MTUS2: variants seen among roughly 807,000 people sequenced by gnomAD.
The protein encoded by MTUS2 is microtubule associated scaffold protein 2.
In MTUS2, 40 loss-of-function variants were observed where a neutral mutation model predicts 114.1. The ratio of observed to expected loss-of-function variants is 0.35; its 90% CI spans 0.27 to 0.46. The LOEUF is 0.46. Ranked by LOEUF, MTUS2 falls within the 20% of genes least tolerant of loss-of-function variation. The pLI is 1.00. For synonymous variants in MTUS2, 688 were observed against 672.0 expected, an observed-to-expected ratio of 1.02 and a Z score of -0.37; for missense variants, 1,679 against 1,705.4, an observed-to-expected ratio of 0.98 and a Z score of 0.27.
chr13:29,205,832 C>T (rs535923898), intron 5 of MTUS2, among the ~76,000 whole-genome samples: 1 of 152,208 alleles, frequency 6.6e-6, no homozygotes, highest in East Asian at 1.9e-4. Flanking sequence ...GGGATGATTC[C>T]ATATTTTTGC....
intron 5 of MTUS2, among the ~76,000 whole-genome samples, chr13:29,203,832 T>C (rs1170764772): frequency 6.6e-6 from 1 of 152,116 alleles, no homozygotes; most frequent in Non-Finnish European, 1.5e-5. Flanking sequence ...CCCTGCTTCA[T>C]CTCACCCCCC....
chr13:29,264,825 C>T (rs909284630), intron 5 of MTUS2, among the ~76,000 whole-genome samples: 2 of 152,246 alleles, frequency 1.3e-5, no homozygotes, highest in Non-Finnish European at 2.9e-5. Flanking sequence ...ATTCTTCCCG[C>T]CTAGGCCTCT....
intron 1 of MTUS2, among the ~76,000 whole-genome samples, chr13:28,821,840 G>T (rs540064662): frequency 2.0e-5 from 3 of 152,328 alleles, no homozygotes; most frequent in South Asian, 4.1e-4. Context: ...GTATTGGAAA[G>T]GGGACACATC....
Position 29,111,767 on chromosome 13 carries a change from A to G in MTUS2, c.2644+10797A>G, listed in dbSNP as rs189322183. 5.9e-5 allele frequency among the ~76,000 whole-genome samples: 9 copies of G among 151,922 alleles called. No homozygotes were observed. In the East Asian group the frequency reaches 1.7e-3, roughly 29 times the overall value. ...CAGTAGACAGAGCGAAGAGATTGAT[A>G]TATTTTTTTTTTTGCAAGGAGAAAT... On this transcript the variant is annotated intron_variant, in intron 5 of 15. Transcript: ENST00000612955.
intron 2 of MTUS2, among the ~76,000 whole-genome samples, chr13:28,984,696 A>G (rs901532437): frequency 1.3e-5 from 2 of 152,244 alleles, no homozygotes; most frequent in African/African-American, 4.8e-5. Flanking sequence ...CTATAAAACC[A>G]TCTGGGCCAA....
intron 6 of MTUS2, among the ~76,000 whole-genome samples, chr13:29,289,627 T>G (rs1345301761): frequency 6.6e-6 from 1 of 151,740 alleles, no homozygotes; most frequent in East Asian, 1.9e-4. Context: ...TGCACCCGGG[T>G]AATTTTTTTT....
chr13:28,977,333 T>C (rs1249494615), intron 2 of MTUS2, among the ~76,000 whole-genome samples: 2 of 152,216 alleles, frequency 1.3e-5, no homozygotes, highest in East Asian at 3.8e-4. Context: ...AGTAGGAATT[T>C]TAGCTTAGGA....
chr13:28,940,588 G>C (rs747015493), intron 2 of MTUS2, among the ~76,000 whole-genome samples: 24 of 151,990 alleles, frequency 1.6e-4, no homozygotes, highest in African/African-American at 5.8e-4. Context: ...AATTGGACTA[G>C]AAATAGAACT....
chr13:29,439,749 A>T (rs561806254), intron 8 of MTUS2, among the ~76,000 whole-genome samples: 3 of 152,360 alleles, frequency 2.0e-5, no homozygotes, highest in African/African-American at 7.2e-5. Context: ...AGACAAAAAC[A>T]CAACCACGGG....
rs139001722 is a variant in MTUS2 at position 29,360,117 on chromosome 13, A to G, written c.3117+644A>G. Among the ~76,000 whole-genome samples, 905 of 152,356 alleles carry G rather than the reference A, an allele frequency of 5.9e-3. 5 individuals carry two copies. The highest frequency in any genetic ancestry group is 0.018 in the African/African-American group (758 of 41,576). On this transcript the variant is annotated intron_variant, in intron 8 of 15. Coordinates refer to ENST00000612955, the MANE Select transcript of MTUS2 (RefSeq NM_001033602.4). The stretch of plus-strand genomic sequence containing the variant: ...GCATCCCAGCCTTTCCCCAGGGAAC[A>G]GAGGTGGGAGCCTAGTGTCCCACTG...
intron 8 of MTUS2, among the ~76,000 whole-genome samples, chr13:29,426,166 C>T (rs889978970): frequency 6.6e-6 from 1 of 152,128 alleles, no homozygotes; most frequent in Non-Finnish European, 1.5e-5. Context: ...TGTTTGCCTC[C>T]GGATAAATGC....
intron 8 of MTUS2, among the ~76,000 whole-genome samples, chr13:29,382,546 A>G (rs1335176335): frequency 6.6e-6 from 1 of 152,188 alleles, no homozygotes; most frequent in African/African-American, 2.4e-5. Context: ...GAATCCACAG[A>G]AGTTTACGAA....
intron 6 of MTUS2, among the ~76,000 whole-genome samples, chr13:29,291,413 G>A (rs947577919): frequency 1.3e-5 from 2 of 152,204 alleles, no homozygotes; most frequent in African/African-American, 4.8e-5. Flanking sequence ...GGCATAAAAC[G>A]TTGTATACAT....
chr13:29,075,085 A>G (rs1889125419), intron 4 of MTUS2, among the ~76,000 whole-genome samples: 1 of 152,228 alleles, frequency 6.6e-6, no homozygotes, highest in African/African-American at 2.4e-5. Context: ...TAGACATCTT[A>G]TATGATGGAG....
intron 4 of MTUS2, among the ~76,000 whole-genome samples, chr13:29,042,311 GA>G (rs1246948173): frequency 1.3e-5 from 2 of 152,096 alleles, no homozygotes; most frequent in Non-Finnish European, 2.9e-5. Context: ...TCCCTACTAT[GA>G]AACGCACTTG....
chr13:29,417,978 G>T (rs1165291237), intron 8 of MTUS2, among the ~76,000 whole-genome samples: 1 of 152,132 alleles, frequency 6.6e-6, no homozygotes, highest in Non-Finnish European at 1.5e-5. Context: ...TGGAGTTGGG[G>T]GGTAACTGGA....
intron 2 of MTUS2, among the ~76,000 whole-genome samples, chr13:28,876,818 T>C (rs1475407374): frequency 2.0e-5 from 3 of 152,170 alleles, no homozygotes; most frequent in Admixed American, 1.3e-4. Context: ...ATGTTCCTTA[T>C]CCTCTTTGTT....
At chr13:29,339,157 T>C (rs1593321330) in intron 7 of MTUS2, among the ~76,000 whole-genome samples, 1 of 152,044 alleles carries the variant, frequency 6.6e-6, no homozygotes, top group Middle Eastern at 3.4e-3. Context: ...AATACAGACA[T>C]TGTTGCACCT....
chr13:29,284,400 T>G (rs201396290), intron 6 of MTUS2, among the ~76,000 whole-genome samples: 1 of 120,062 alleles, frequency 8.3e-6, no homozygotes, highest in African/African-American at 3.0e-5. Flanking sequence ...TAAGCTATTT[T>G]TTAAAAAAAA....
Sources: gnomAD v4.1 joint callset for allele counts (sites outside exome capture counted in the v4.1 genomes callset) on GRCh38, gnomAD v4.1.1 for gene constraint, MANE v1.5 for transcripts, NCBI Gene and HGNC (gene_info 2026-07-23, HGNC 2026-07-21) for gene names.